The following CHCHD3 variants were observed in gnomAD, a reference collection of about 807,000 sequenced individuals.
The protein encoded by CHCHD3 is coiled-coil-helix-coiled-coil-helix domain containing 3.
In CHCHD3, 20 loss-of-function variants were observed where a neutral mutation model predicts 38.2. That is an observed-to-expected ratio of 0.52 (90% CI 0.37 to 0.76). The LOEUF is 0.76. CHCHD3 is among the 30% of genes least tolerant of loss of function. The probability of loss-of-function intolerance (pLI) is 0.00; values close to 1 mark genes in which losing one functional copy is unlikely to be tolerated. For missense variants in CHCHD3, 245 were observed against 279.2 expected, an observed-to-expected ratio of 0.88 and a Z score of 0.87; for synonymous variants, 82 against 100.0, an observed-to-expected ratio of 0.82 and a Z score of 1.07.
intron 5 of CHCHD3, among the ~76,000 whole-genome samples, chr7:132,866,912 C>G (rs1476240847): frequency 6.6e-6 from 1 of 152,170 alleles, no homozygotes; most frequent in Non-Finnish European, 1.5e-5. Flanking sequence ...GCAGGCTTCT[C>G]CCCCAGGTAG....
chr7:133,067,898 C>T (rs143745371), intron 2 of CHCHD3, among the ~76,000 whole-genome samples: 6 of 152,060 alleles, frequency 3.9e-5, no homozygotes, highest in Non-Finnish European at 5.9e-5. Flanking sequence ...GGGCGGATCA[C>T]GAGGTCAGGA....
At chr7:132,932,136 C>T (rs1044375177) in intron 4 of CHCHD3, among the ~76,000 whole-genome samples, 4 of 152,128 alleles carry the variant, frequency 2.6e-5, no homozygotes, top group Non-Finnish European at 5.9e-5. Context: ...CAGATGGAAG[C>T]CTGACACTCA....
At chr7:132,863,169 C>A (rs1808536411) in intron 5 of CHCHD3, among the ~76,000 whole-genome samples, 1 of 152,166 alleles carries the variant, frequency 6.6e-6, no homozygotes, top group African/African-American at 2.4e-5. Flanking sequence ...CTATCTATGG[C>A]AGATATGGCC....
intron 4 of CHCHD3, among the ~76,000 whole-genome samples, chr7:132,898,924 C>T (rs1478810625): frequency 6.6e-6 from 1 of 152,198 alleles, no homozygotes; most frequent in Non-Finnish European, 1.5e-5. Flanking sequence ...AAGCCCACAC[C>T]CACCCGGAAC....
At chr7:132,795,054 G>A (rs1473373061) in intron 7 of CHCHD3, among the ~76,000 whole-genome samples, 1 of 152,206 alleles carries the variant, frequency 6.6e-6, no homozygotes, top group Non-Finnish European at 1.5e-5. Context: ...GATGGGGTCA[G>A]CACTCCCAAT....
intron 4 of CHCHD3, among the ~76,000 whole-genome samples, chr7:132,967,816 AG>A (rs1311856998): frequency 7.7e-6 from 1 of 130,268 alleles, no homozygotes; most frequent in East Asian, 2.2e-4. Context: ...GCAACAAGTA[AG>A]ACCCTGTCTC....
At chr7:132,941,098 CTA>C (rs1162296570) in intron 4 of CHCHD3, among the ~76,000 whole-genome samples, 1 of 152,148 alleles carries the variant, frequency 6.6e-6, no homozygotes, top group Admixed American at 6.6e-5. Context: ...GCATTATGAT[CTA>C]TGTGTTCAAT....
intron 5 of CHCHD3, among the ~76,000 whole-genome samples, chr7:132,879,923 G>A (rs949616124): frequency 1.3e-5 from 2 of 151,942 alleles, no homozygotes; most frequent in Non-Finnish European, 2.9e-5. Context: ...ACTCTTAGGG[G>A]TATCATGCTG....
At chr7:132,910,539 ATCTG>A (rs1404993452) in intron 4 of CHCHD3, among the ~76,000 whole-genome samples, 1 of 152,180 alleles carries the variant, frequency 6.6e-6, no homozygotes, top group Non-Finnish European at 1.5e-5. Flanking sequence ...CCCTTTGTAT[ATCTG>A]TCTCTCAGTT....
chr7:133,061,121 G>A (rs1266921322), intron 2 of CHCHD3, among the ~76,000 whole-genome samples: 6 of 152,030 alleles, frequency 3.9e-5, no homozygotes, highest in Non-Finnish European at 2.9e-5. Context: ...AAGAGATTTG[G>A]GCTGCATCCT....
At chr7:132,990,688 C>A (rs1812254717) in intron 3 of CHCHD3, among the ~76,000 whole-genome samples, 1 of 152,076 alleles carries the variant, frequency 6.6e-6, no homozygotes, top group Admixed American at 6.5e-5. Context: ...TCACAAGGGA[C>A]ACGTTTTTGC....
chr7:132,837,719 G>A (rs995140786), intron 6 of CHCHD3, among the ~76,000 whole-genome samples: 4 of 152,184 alleles, frequency 2.6e-5, no homozygotes, highest in African/African-American at 7.2e-5. Flanking sequence ...ATTTGCGCAT[G>A]TGCTACTAAT....
intron 1 of CHCHD3, among the ~76,000 whole-genome samples, chr7:133,070,557 TAC>T (rs1467056643): frequency 6.6e-6 from 1 of 152,126 alleles, no homozygotes; most frequent in Non-Finnish European, 1.5e-5. Flanking sequence ...CCCCTAATCC[TAC>T]ACACTTATTC....
At chr7:132,817,898 A>AAT (rs1807242814) in intron 6 of CHCHD3, among the ~76,000 whole-genome samples, 1 of 144,578 alleles carries the variant, frequency 6.9e-6, no homozygotes, top group Non-Finnish European at 1.6e-5. Context: ...TCTCAAAAAA[A>AAT]AAATAAAAAT....
intron 4 of CHCHD3, among the ~76,000 whole-genome samples, chr7:132,888,946 A>G (rs1809290955): frequency 6.6e-6 from 1 of 152,016 alleles, no homozygotes; most frequent in South Asian, 2.1e-4. Flanking sequence ...AAAGTATGGT[A>G]AGATGTTATA....
chr7:133,014,425 A>C (rs1812968196), intron 3 of CHCHD3, among the ~76,000 whole-genome samples: 1 of 152,198 alleles, frequency 6.6e-6, no homozygotes, highest in Non-Finnish European at 1.5e-5. Flanking sequence ...GCATATAACT[A>C]ACAATTGCTC....
chr7:133,054,987 T>C (rs1211691223), intron 2 of CHCHD3, among the ~76,000 whole-genome samples: 1 of 151,968 alleles, frequency 6.6e-6, no homozygotes, highest in Non-Finnish European at 1.5e-5. Flanking sequence ...GAGCTTAATG[T>C]ATAGTAAAGG....
intron 4 of CHCHD3, among the ~76,000 whole-genome samples, chr7:132,937,900 T>G (rs1810669902): frequency 1.3e-5 from 2 of 152,230 alleles, no homozygotes; most frequent in Non-Finnish European, 2.9e-5. Flanking sequence ...GATCTTTCAT[T>G]TGTTAAAAGA....
At chr7:132,787,909 C>T (rs531464101) in intron 7 of CHCHD3, among the ~76,000 whole-genome samples, 1 of 152,190 alleles carries the variant, frequency 6.6e-6, no homozygotes, top group East Asian at 1.9e-4. Context: ...TTAGGGAAAA[C>T]AGGAAAAACA....
Sources: gnomAD v4.1 joint callset for allele counts (sites outside exome capture counted in the v4.1 genomes callset) on GRCh38, gnomAD v4.1.1 for gene constraint, MANE v1.5 for transcripts, NCBI Gene and HGNC (gene_info 2026-07-23, HGNC 2026-07-21) for gene names.